Variants in CLASP1 observed in about 807,000 individuals in gnomAD.
CLASP1 encodes CLIP-associating protein 1.
Under a neutral mutation model 192.3 loss-of-function variants are expected in CLASP1, and 38 were observed. The observed-to-expected ratio is 0.20, with a 90% CI of 0.15 to 0.26. The LOEUF (loss-of-function observed/expected upper bound fraction) is 0.26, where lower values mean the gene tolerates loss of function less well. Among genes scored for constraint, CLASP1 ranks in the 10% least tolerant of loss-of-function variants. The pLI, the probability that CLASP1 is intolerant of heterozygous loss-of-function variation, is 1.00. For synonymous variants in CLASP1, 691 were observed against 712.8 expected (o/e 0.97, Z 0.49); for missense variants, 1,433 against 1,932.5 (o/e 0.74, Z 4.85).
chr2:121,591,501 A>C (rs1319616291), intron 2 of CLASP1, among the ~76,000 whole-genome samples: 1 of 152,136 alleles, frequency 6.6e-6, no homozygotes, highest in Non-Finnish European at 1.5e-5. Flanking sequence ...CCTCTCCCTG[A>C]GGTCTTTCAA....
At chr2:121,437,909 T>C (rs1255362049) in intron 19 of CLASP1, among the ~76,000 whole-genome samples, 2 of 152,244 alleles carry the variant, frequency 1.3e-5, no homozygotes, top group African/African-American at 2.4e-5. Flanking sequence ...TACTCTAGAA[T>C]AGTAATGTAT....
chr2:121,445,937 T>C (rs2084249513), intron 19 of CLASP1, among the ~76,000 whole-genome samples: 1 of 152,190 alleles, frequency 6.6e-6, no homozygotes, highest in Admixed American at 6.5e-5. Flanking sequence ...GGATCTAATA[T>C]ACTAAAGCAT....
At chr2:121,448,653 G>A (rs561369446) in intron 17 of CLASP1, among the ~76,000 whole-genome samples, 13 of 152,286 alleles carry the variant, frequency 8.5e-5, no homozygotes, top group African/African-American at 2.9e-4. Flanking sequence ...CATCCTCTGA[G>A]AAGACTCTGA....
intron 2 of CLASP1, among the ~76,000 whole-genome samples, chr2:121,588,750 GCCT>G (rs999206630): frequency 6.6e-6 from 1 of 152,094 alleles, no homozygotes; most frequent in African/African-American, 2.4e-5. Context: ...GACCCCTGAG[GCCT>G]CCCCCAACCA....
chr2:121,529,592 C>T (rs565329723), intron 3 of CLASP1, among the ~76,000 whole-genome samples: 5 of 152,258 alleles, frequency 3.3e-5, no homozygotes, highest in Admixed American at 2.6e-4. Context: ...TTATACTACC[C>T]CCATGAAACA....
At chr2:121,512,530 G>A (rs1311625422) in intron 7 of CLASP1, among the ~76,000 whole-genome samples, 1 of 152,130 alleles carries the variant, frequency 6.6e-6, no homozygotes, top group Non-Finnish European at 1.5e-5. Flanking sequence ...ACTACTCTGA[G>A]ACCCCATGTA....
chr2:121,437,129 A>G (rs2082436214), intron 19 of CLASP1, among the ~76,000 whole-genome samples: 1 of 151,970 alleles, frequency 6.6e-6, no homozygotes, highest in Non-Finnish European at 1.5e-5. Flanking sequence ...TGCTTGGCTA[A>G]CTGTAAAAAA....
intron 2 of CLASP1, among the ~76,000 whole-genome samples, chr2:121,578,422 CAAAAAAA>C (rs70954557): frequency 1.8e-4 from 12 of 65,726 alleles, no homozygotes; most frequent in African/African-American, 5.0e-4. Context: ...AGACTATCTC[CAAAAAAA>C]AAAAAAAAAA....
At chr2:121,355,659 G>T (rs1166538996) in intron 37 of CLASP1, among the ~76,000 whole-genome samples, 2 of 152,172 alleles carry the variant, frequency 1.3e-5, no homozygotes, top group Non-Finnish European at 2.9e-5. Context: ...TGAACTTCAG[G>T]TTTTGCCCCT....
intron 33 of CLASP1, 28 bp downstream of exon 34, chr2:121,382,180 C>T (rs765996159): frequency 5.8e-6 from 9 of 1,542,088 alleles, no homozygotes; most frequent in South Asian, 2.3e-5. Flanking sequence ...TGTGACACCT[C>T]AGACAAGTTT....
At chr2:121,537,521 A>G (rs1400241789) in intron 2 of CLASP1, among the ~76,000 whole-genome samples, 2 of 152,198 alleles carry the variant, frequency 1.3e-5, no homozygotes, top group Admixed American at 6.5e-5. Context: ...ACACCACACT[A>G]AGGAAAAAGA....
rs570795797 is a variant in CLASP1 at position 121,497,575 on chromosome 2, A to G, written c.712+5592T>C. Among the ~76,000 whole-genome samples the G allele has an allele frequency of 1.2e-3, 179 of 152,246 alleles. 3 individuals carry two copies. The highest frequency in any genetic ancestry group is 9.4e-4 in the Non-Finnish European group (64 of 68,042). On this transcript the variant is annotated intron_variant, in intron 8 of 39. Coordinates refer to ENST00000263710, the Ensembl canonical transcript of CLASP1. ...CACGGATATGTGTAACCAGGGAAAA[A>G]GCACTGCCTGAGAAAGGAAAAGGCC...
At chr2:121,445,347 G>T in intron 19 of CLASP1, 1 of 592,148 alleles carries the variant, frequency 1.7e-6, no homozygotes, top group African/African-American at 1.9e-5. Flanking sequence ...ATACTAAAGA[G>T]TTACCCAAAA....
In CLASP1 at chr2:121,576,455, G is replaced by A. The variant is rs576128999; in HGVS notation, c.195+29246C>T. On this transcript the variant is annotated intron_variant, in intron 2 of 39. Transcript: ENST00000263710. The stretch of plus-strand genomic sequence containing the variant: ...GAGTATAGTGCAATACCAGGTAAAA[G>A]TGCTTCCTTGTGTTCGAAGCCTGAC... Among the ~76,000 whole-genome samples the A allele has an allele frequency of 6.6e-5, 10 of 152,300 alleles. No individual in the cohort carries two copies. The East Asian group carries it at 1.9e-3, about 29-fold the overall frequency.
intron 2 of CLASP1, among the ~76,000 whole-genome samples, chr2:121,567,308 T>C (rs1032520808): frequency 6.6e-6 from 1 of 152,246 alleles, no homozygotes; most frequent in African/African-American, 2.4e-5. Flanking sequence ...CCTTGCCCTC[T>C]GGGAGCTTCC....
intron 2 of CLASP1, among the ~76,000 whole-genome samples, chr2:121,535,506 C>T (rs1405946067): frequency 1.3e-5 from 2 of 151,648 alleles, no homozygotes; most frequent in African/African-American, 4.9e-5. Context: ...AGAAAAAATC[C>T]AGAATAAAGT....
chr2:121,477,551 T>C (rs983943284), intron 8 of CLASP1, among the ~76,000 whole-genome samples: 2 of 152,214 alleles, frequency 1.3e-5, no homozygotes, highest in African/African-American at 4.8e-5. Context: ...TTGATATATA[T>C]GTATTTCTAG....
chr2:121,613,781 A>G (rs1369105752), intron 1 of CLASP1, among the ~76,000 whole-genome samples: 3 of 152,210 alleles, frequency 2.0e-5, no homozygotes, highest in African/African-American at 7.2e-5. Context: ...TCTACTGTAG[A>G]CTTCTTTGTA....
chr2:121,393,968 C>G (rs748302478), intron 30 of CLASP1, among the ~76,000 whole-genome samples: 3 of 151,778 alleles, frequency 2.0e-5, no homozygotes, highest in Non-Finnish European at 2.9e-5. Context: ...GGTAAAAAAG[C>G]GCCCTTCTAA....
Sources: gnomAD v4.1 joint callset for allele counts (sites outside exome capture counted in the v4.1 genomes callset) on GRCh38, gnomAD v4.1.1 for gene constraint, MANE v1.5 for transcripts, NCBI Gene and HGNC (gene_info 2026-07-23, HGNC 2026-07-21) for gene names.